ANOS1: variants seen among roughly 807,000 people sequenced by gnomAD.
ANOS1 encodes the protein anosmin-1.
In ANOS1, 6 loss-of-function variants were observed where a neutral mutation model predicts 59.0. The ratio of observed to expected loss-of-function variants is 0.10; its 90% confidence interval spans 0.06 to 0.20. The LOEUF (loss-of-function observed/expected upper bound fraction) is 0.20. ANOS1 is among the 10% of genes least tolerant of loss of function. ANOS1 has a pLI of 1.00. For missense variants in ANOS1, 433 were observed against 542.3 expected, an observed-to-expected ratio of 0.80 and a Z score of 2.00; for synonymous variants, 217 against 223.4, an observed-to-expected ratio of 0.97 and a Z score of 0.25.
At chrX:8,595,262 A>G (rs5978908) in intron 4 of ANOS1, among the ~76,000 whole-genome samples, 7,494 of 111,591 alleles carry the variant, frequency 0.067, 686 homozygotes, top group African/African-American at 0.23. Context: ...CAGATGCTTT[A>G]AAAGTTAGAT....
In ANOS1 at chrX:8,554,904, A is replaced by G. The variant is rs149869775; in HGVS notation, c.1208-806T>C. On this transcript the variant is annotated intron_variant, in intron 8 of 13. Coordinates refer to ENST00000262648, the MANE Select transcript of ANOS1 (RefSeq NM_000216.4). ...CTAATAGACATCTACAGAACTCTCCACCACAAATCAACAGAATATACATTC... is the reference window on the plus strand; with the variant it reads ...CTAATAGACATCTACAGAACTCTCCGCCACAAATCAACAGAATATACATTC... 9.2e-3 allele frequency among the ~76,000 whole-genome samples: 1,017 copies of G among 110,962 alleles called. 15 individuals are homozygous for G. Among genetic ancestry groups the G allele is most frequent in the African/African-American group, 0.031 (942 of 30,492 alleles).
chrX:8,554,023 G>C lies in ANOS1; in HGVS notation c.1283C>G (p.Pro428Arg), dbSNP rs148736113. Reference sequence around the variant, plus strand: ...ATAGAAGGGAGCTCCGACTTCCAGCGGGCGAGTGGGTCGTCGTCTTTGAAA... The same window carrying C: ...ATAGAAGGGAGCTCCGACTTCCAGCCGGCGAGTGGGTCGTCGTCTTTGAAA... ...LPFQRRRPTR[P>R]LEVGAPFYQD... The change falls in exon 9 of 14, where the codon CCG becomes CGG. Residue 428 changes from proline (P) to arginine (R), a missense_variant. By Grantham distance (103) the Pro-to-Arg change is moderately radical. Coordinates refer to ENST00000262648, the MANE Select transcript of ANOS1 (RefSeq NM_000216.4). 1 of 1,204,923 alleles carries C rather than the reference G, an allele frequency of 8.3e-7. No individual in the cohort carries two copies. The highest frequency in any genetic ancestry group is 1.1e-6 in the Non-Finnish European group (1 of 889,207).
chrX:8,668,037 T>A (rs1464896000), intron 2 of ANOS1, among the ~76,000 whole-genome samples: 1 of 110,649 alleles, frequency 9.0e-6, no homozygotes, highest in Admixed American at 9.7e-5. Context: ...TTTTAAATTT[T>A]TTTTTTATTT....
intron 2 of ANOS1, among the ~76,000 whole-genome samples, chrX:8,694,990 G>A (rs1261339090): frequency 1.8e-5 from 2 of 111,253 alleles, no homozygotes; most frequent in Admixed American, 1.9e-4. Context: ...GATTGTAAAG[G>A]CATCTTTTTA....
At chrX:8,594,658 G>GTGTATA (rs1555895592) in intron 4 of ANOS1, among the ~76,000 whole-genome samples, 27 of 33,554 alleles carry the variant, frequency 8.0e-4, no homozygotes, top group African/African-American at 2.5e-3. Context: ...ATATATATGT[G>GTGTATA]TATATATATA....
At chrX:8,574,233 C>T (rs1001755756) in intron 6 of ANOS1, among the ~76,000 whole-genome samples, 6 of 108,634 alleles carry the variant, frequency 5.5e-5, no homozygotes, top group East Asian at 5.8e-4. Flanking sequence ...GATGTCTCCA[C>T]GGCTGGCTCC....
intron 2 of ANOS1, among the ~76,000 whole-genome samples, chrX:8,677,039 T>G (rs989819570): frequency 2.7e-5 from 3 of 112,018 alleles, no homozygotes; most frequent in African/African-American, 9.7e-5. Flanking sequence ...ATGTCAGCAG[T>G]GACAGTGGGG....
At chrX:8,630,891 G>A (rs977205510) in intron 2 of ANOS1, among the ~76,000 whole-genome samples, 1 of 113,010 alleles carries the variant, frequency 8.8e-6, no homozygotes, top group Admixed American at 9.3e-5. Context: ...TGCCACCAGG[G>A]TGTCAGAGGA....
At chrX:8,699,842 T>G in intron 1 of ANOS1, 97 bp from the exon 2 acceptor site, 1 of 632,233 alleles carries the variant, frequency 1.6e-6, no homozygotes. Flanking sequence ...AATTTTTGAA[T>G]ATTTGCATTT....
chrX:8,615,956 TATA>T (rs1319808427), intron 3 of ANOS1, among the ~76,000 whole-genome samples: 1 of 110,990 alleles, frequency 9.0e-6, no homozygotes, highest in African/African-American at 3.3e-5. Context: ...GCTTGTAAAA[TATA>T]ATTATTTCTC....
At chrX:8,607,687 T>G (rs1224544727) in intron 3 of ANOS1, among the ~76,000 whole-genome samples, 2 of 111,401 alleles carry the variant, frequency 1.8e-5, no homozygotes, top group Non-Finnish European at 3.8e-5. Flanking sequence ...CTGCATTTGT[T>G]AGTAGTGAAT....
At chrX:8,663,112 C>T (rs1158712557) in intron 2 of ANOS1, among the ~76,000 whole-genome samples, 1 of 111,537 alleles carries the variant, frequency 9.0e-6, no homozygotes, top group Non-Finnish European at 1.9e-5. Context: ...GGAACTCATC[C>T]CTCCCTCATA....
At chrX:8,643,131 C>A (rs970158610) in intron 2 of ANOS1, among the ~76,000 whole-genome samples, 1 of 110,766 alleles carries the variant, frequency 9.0e-6, no homozygotes, top group Admixed American at 9.6e-5. Flanking sequence ...AGGAAAATGA[C>A]CACTTGAAAA....
chrX:8,657,813 T>C (rs1931959398), intron 2 of ANOS1, among the ~76,000 whole-genome samples: 1 of 110,991 alleles, frequency 9.0e-6, no homozygotes, highest in African/African-American at 3.3e-5. Context: ...TGGTTTTACA[T>C]GATCCTAAGA....
At chrX:8,689,750 G>A (rs1354201310) in intron 2 of ANOS1, among the ~76,000 whole-genome samples, 1 of 102,555 alleles carries the variant, frequency 9.8e-6, no homozygotes, top group Non-Finnish European at 2.0e-5. Context: ...GGTTCTGTGT[G>A]AGCAATAAAG....
rs1201338178 is a variant in ANOS1, at chrX:8,539,761, A to G, written c.1355-3T>C. On this transcript the variant is annotated splice_polypyrimidine_tract_variant and splice_region_variant and intron_variant, in intron 9 of 13. Transcript: ENST00000262648. Reference sequence around the variant, plus strand: ...ATGATATCGGTTGACAGTGGGATCTATAATGCCAAAACACGCAAACAAAAA... The same window carrying G: ...ATGATATCGGTTGACAGTGGGATCTGTAATGCCAAAACACGCAAACAAAAA... 1.7e-6 allele frequency: 2 copies of G among 1,208,637 alleles called. No individual in the cohort carries two copies. Among genetic ancestry groups the G allele is most frequent in the African/African-American group, 3.5e-5 (2 of 56,716 alleles).
chrX:8,663,718 G>A (rs573650972), intron 2 of ANOS1, among the ~76,000 whole-genome samples: 1 of 111,456 alleles, frequency 9.0e-6, no homozygotes, highest in Non-Finnish European at 1.9e-5. Context: ...CCTGCCCAAG[G>A]ACTTTCCATA....
At chrX:8,684,426 C>G (rs1014345689) in intron 2 of ANOS1, among the ~76,000 whole-genome samples, 1 of 111,075 alleles carries the variant, frequency 9.0e-6, no homozygotes, top group East Asian at 2.9e-4. Context: ...GCTTGCCGGC[C>G]GTAATGTGAA....
chrX:8,594,673 T>C (rs867749405), intron 4 of ANOS1, among the ~76,000 whole-genome samples: 1 of 55,797 alleles, frequency 1.8e-5, no homozygotes, highest in African/African-American at 7.9e-5. Context: ...TATATATATA[T>C]ATATATATAT....
Sources: gnomAD v4.1 joint callset for allele counts (sites outside exome capture counted in the v4.1 genomes callset) on GRCh38, gnomAD v4.1.1 for gene constraint, MANE v1.5 for transcripts, NCBI Gene and HGNC (gene_info 2026-07-23, HGNC 2026-07-21) for gene names.